ESYT1: variants seen among roughly 807,000 people sequenced by gnomAD.
The protein encoded by ESYT1 is extended synaptotagmin 1, also known as extended synaptotagmin-1.
ESYT1 carries 116 observed loss-of-function variants against 154.2 expected under a neutral mutation model. That is an observed-to-expected ratio of 0.75 (90% CI 0.65 to 0.88). The LOEUF is 0.88. Among genes scored for constraint, ESYT1 ranks in the 40% least tolerant of loss-of-function variants. ESYT1 has a pLI of 0.00. For missense variants in ESYT1, 1,264 were observed against 1,379.3 expected (o/e 0.92, Z 1.32); for synonymous variants, 500 against 539.9 (o/e 0.93, Z 1.02).
chr12:56,141,751 T>G (rs1436163874), intron 24 of ESYT1, among the ~76,000 whole-genome samples: 1 of 146,342 alleles, frequency 6.8e-6, no homozygotes, highest in East Asian at 2.1e-4. Flanking sequence ...AAAATAATAA[T>G]AATAATTTCT....
intron 30 of ESYT1, 69 bp downstream of exon 30, chr12:56,143,698 A>T: frequency 1.2e-6 from 2 of 1,610,258 alleles, no homozygotes; most frequent in South Asian, 1.1e-5. Flanking sequence ...ACAGGAAAGG[A>T]AAAAAAGATA....
rs1313843504 is a variant in ESYT1, at chr12:56,131,055, G to A, written c.583G>A (p.Gly195Arg). ...CTCTCCCTAGCCATTGCGCATCATT[G>A]GAGTCAAGGTTCACCCAGGTCAGAG... is the stretch of plus-strand genomic sequence containing the variant. ...ELGEKPLRII[G>R]VKVHPGQRKE... is the part of the protein sequence containing the mutation. The change falls in exon 4 of 31, where the codon GGA becomes AGA. Residue 195 changes from glycine (G) to arginine (R), a missense_variant. By Grantham distance (125) the Gly-to-Arg change is moderately radical. Coordinates refer to ENST00000394048, the MANE Select transcript of ESYT1 (RefSeq NM_015292.3). 1 of 1,614,120 alleles carries A rather than the reference G, an allele frequency of 6.2e-7. No individual in the cohort carries two copies. The highest frequency in any genetic ancestry group is 8.5e-7 in the Non-Finnish European group (1 of 1,180,022).
At position 56,137,480 on chromosome 12, in the gene ESYT1, C is replaced by T. The variant is rs190041269; in HGVS notation, c.1939-19C>T. The T allele has an allele frequency of 2.2e-5, 36 of 1,607,934 alleles. No individual in the cohort carries two copies. The African/African-American group carries it at 2.7e-4, about 12-fold the overall frequency. On this transcript the variant is annotated intron_variant, in intron 17 of 30. Coordinates refer to ENST00000394048, the MANE Select transcript of ESYT1 (RefSeq NM_015292.3). Reference sequence around the variant, plus strand: ...TCTCTCTCCCTTTGCCATCTGGCACCCCCCCGTCCCTTTTGCAGCATGTGC... The same window carrying T: ...TCTCTCTCCCTTTGCCATCTGGCACTCCCCCGTCCCTTTTGCAGCATGTGC...
At position 56,137,235 on chromosome 12, in the gene ESYT1, A is replaced by T. The variant is rs755522724; in HGVS notation, c.1800A>T (p.Ser600=). The part of the protein sequence containing the change: ...KLVMRILYLD[S]SEICFPTVPG... ...CTTCCTAGATCCTGTACTTGGATTC[A>T]TCAGAAATATGCTTCCCCACGGTGC... Residue 600 remains serine, a synonymous_variant, in exon 17 of 31, where the codon TCA becomes TCT. Coordinates refer to ENST00000394048, the MANE Select transcript of ESYT1 (RefSeq NM_015292.3). 43 of 1,614,170 alleles carry T rather than the reference A, an allele frequency of 2.7e-5. No homozygotes were observed. The East Asian group carries it at 5.6e-4, about 21-fold the overall frequency.
Position 56,142,808 on chromosome 12 carries a change from C to T in ESYT1, c.2889-27C>T, listed in dbSNP as rs1291985328. The stretch of plus-strand genomic sequence containing the variant: ...ACAGGTTCACTAGGCTCTAGCTTTC[C>T]CCAGACCTACTGATATTTCTCCACA... On this transcript the variant is annotated intron_variant, in intron 26 of 30. Coordinates refer to ENST00000394048, the MANE Select transcript of ESYT1 (RefSeq NM_015292.3). The surrounding 1 kb of genome is among the most constrained non-coding windows in gnomAD (Gnocchi z 4.1). 3 of 1,613,984 alleles carry T rather than the reference C, an allele frequency of 1.9e-6. No individual in the cohort carries two copies. Among genetic ancestry groups the T allele is most frequent in the Admixed American group, 1.7e-5 (1 of 60,004 alleles).
rs373325818 is a variant in ESYT1, at chr12:56,142,637, C to T, written c.2793C>T (p.Ser931=). The part of the protein sequence containing the change: ...EAHSHSYSHS[S]SSLSEEPELS... ...ATAGCCACAGCTACAGCCACAGCTC[C>T]TCATCGCTGAGTGAAGAACCAGAGC... is the stretch of plus-strand genomic sequence containing the variant. Residue 931 remains serine, a synonymous_variant, in exon 26 of 31, where the codon TCC becomes TCT. Transcript: ENST00000394048. The surrounding 1 kb of genome is among the most constrained non-coding windows in gnomAD (Gnocchi z 4.1). 1.9e-6 allele frequency: 3 copies of T among 1,614,148 alleles called. No individual in the cohort carries two copies. Among genetic ancestry groups the T allele is most frequent in the Non-Finnish European group, 2.5e-6 (3 of 1,180,038 alleles).
chr12:56,137,323 G>A lies in ESYT1; in HGVS notation c.1888G>A (p.Ala630Thr). Reference sequence around the variant, plus strand: ...TCCCCAGAGAGGCAGCAGTGTGGATGCCCCACCTCGACCCTGTCACACGAC... The same window carrying A: ...TCCCCAGAGAGGCAGCAGTGTGGATACCCCACCTCGACCCTGTCACACGAC... ...ENPQRGSSVDAPPRPCHTTPD... is the reference protein window; with the variant it reads ...ENPQRGSSVDTPPRPCHTTPD... Residue 630 changes from alanine to threonine, a missense_variant, in exon 17 of 31, where the codon GCC (alanine) becomes ACC (threonine). Ala to Thr is a moderately conservative substitution (Grantham distance 58, BLOSUM62 0). Coordinates refer to ENST00000394048, the MANE Select transcript of ESYT1 (RefSeq NM_015292.3). The A allele has an allele frequency of 6.2e-7, 1 of 1,614,212 alleles. No homozygotes were observed. Among genetic ancestry groups the A allele is most frequent in the Non-Finnish European group, 8.5e-7 (1 of 1,180,026 alleles).
Position 56,144,142 on chromosome 12 carries a change from C to A in ESYT1, c.*280C>A. 3 of 1,375,406 alleles carry A rather than the reference C, an allele frequency of 2.2e-6. No homozygotes were observed. The highest frequency in any genetic ancestry group is 2.8e-6 in the Non-Finnish European group (3 of 1,063,748). 85.2% of individuals were successfully genotyped at this position (1,375,406 alleles called of 1,614,324 possible). ...CATTGTTCTCCCTTCCTCCCAACTCCTCAGGGCCTTCTGTATCTGTGCCTG... is the reference window on the plus strand; with the variant it reads ...CATTGTTCTCCCTTCCTCCCAACTCATCAGGGCCTTCTGTATCTGTGCCTG... On this transcript the variant is annotated 3_prime_UTR_variant, in exon 31 of 31. Coordinates refer to ENST00000394048, the MANE Select transcript of ESYT1 (RefSeq NM_015292.3).
chr12:56,138,671 A>G, intron 22 of ESYT1, 97 bp from the exon 23 acceptor site: 6 of 1,354,244 alleles, frequency 4.4e-6, no homozygotes, highest in Non-Finnish European at 6.3e-6. Context: ...CTGCCAAGTA[A>G]TAATGGAGAC....
In ESYT1 at chr12:56,131,801, T is replaced by TCC; in HGVS notation, c.857_858insCC (p.Ser287LeufsTer8). 6.2e-7 allele frequency: 1 copy of TCC among 1,614,132 alleles called. No individual in the cohort carries two copies. The highest frequency in any genetic ancestry group is 8.5e-7 in the Non-Finnish European group (1 of 1,179,984). ...ACCAACCTGCTGGATATCCCAGGAC[T>TCC]TAGGTATCAAGGACTTACTGAGCAC... On this transcript the variant is annotated frameshift_variant, in exon 7 of 31. Transcript: ENST00000394048. LOFTEE classifies it high-confidence loss of function.
intron 18 of ESYT1, 60 bp from the exon 19 acceptor site, chr12:56,137,772 T>A: frequency 1.2e-6 from 2 of 1,603,016 alleles, no homozygotes; most frequent in Non-Finnish European, 1.7e-6. Flanking sequence ...GACTGGGGGG[T>A]CCAGTCATTT....
At chr12:56,140,193 G>A (rs1430414318) in intron 24 of ESYT1, among the ~76,000 whole-genome samples, 1 of 151,604 alleles carries the variant, frequency 6.6e-6, no homozygotes, top group African/African-American at 2.4e-5. Flanking sequence ...TGGTTCTTTC[G>A]GACCACGAAA....
chr12:56,137,290 A>G lies in ESYT1; in HGVS notation c.1855A>G (p.Ser619Gly). 1.2e-6 allele frequency: 2 copies of G among 1,614,196 alleles called. No individual in the cohort carries two copies. The highest frequency in any genetic ancestry group is 1.7e-6 in the Non-Finnish European group (2 of 1,180,034). The part of the protein sequence containing the change: ...PGCPGAWDVD[S>G]ENPQRGSSVD... ...TTGTCCTGGTGCTTGGGACGTGGAC[A>G]GTGAGAATCCCCAGAGAGGCAGCAG... The change falls in exon 17 of 31, where the codon AGT becomes GGT. Residue 619 changes from serine (S) to glycine (G), a missense_variant. Ser to Gly is a moderately conservative substitution (Grantham distance 56). Transcript: ENST00000394048.
intron 15 of ESYT1, 141 bp downstream of exon 15, chr12:56,134,569 C>G (rs544739185): frequency 1.4e-6 from 1 of 716,770 alleles, no homozygotes; most frequent in South Asian, 1.6e-5. Context: ...GAATATCTCT[C>G]CATTGTTCCC....
In ESYT1 at chr12:56,144,347, C is replaced by T. The variant is rs1870835884; in HGVS notation, c.*485C>T. 1 of 1,011,242 alleles carries T rather than the reference C, an allele frequency of 9.9e-7. No individual in the cohort carries two copies. Among genetic ancestry groups the T allele is most frequent in the African/African-American group, 1.7e-5 (1 of 57,874 alleles). The allele number at this position is 1,011,242 out of a possible 1,614,324, so 62.6% of individuals were successfully genotyped here. ...TGCATGTAGCAAATGTTCAGCAGCT[C>T]AGGCCCCCATGTCCAGTTCTGTCCC... On this transcript the variant is annotated 3_prime_UTR_variant, in exon 31 of 31. Coordinates refer to ENST00000394048, the MANE Select transcript of ESYT1 (RefSeq NM_015292.3).
At position 56,143,377 on chromosome 12, in the gene ESYT1, G is replaced by A; in HGVS notation, c.3225+44G>A. 3 of 1,594,320 alleles carry A rather than the reference G, an allele frequency of 1.9e-6. No homozygotes were observed. The South Asian group carries it at 3.3e-5, about 18-fold the overall frequency. Reference sequence around the variant, plus strand: ...AGGGCAGAGGTGAGGGCTGGAAGCTGCTGGCACCAAGGTTATAGTCCCTGT... The same window carrying A: ...AGGGCAGAGGTGAGGGCTGGAAGCTACTGGCACCAAGGTTATAGTCCCTGT... On this transcript the variant is annotated intron_variant, in intron 29 of 30. Coordinates refer to ENST00000394048, the MANE Select transcript of ESYT1 (RefSeq NM_015292.3).
In ESYT1 at chr12:56,144,028, G is replaced by GTTC. The variant is rs1870824410; in HGVS notation, c.*166_*167insTTC. The GTTC allele has an allele frequency of 6.7e-7, 1 of 1,485,450 alleles. No homozygotes were observed. Among genetic ancestry groups the GTTC allele is most frequent in the Non-Finnish European group, 8.9e-7 (1 of 1,123,444 alleles). The allele number at this position is 1,485,450 out of a possible 1,614,324, so 92.0% of individuals were successfully genotyped here. On this transcript the variant is annotated 3_prime_UTR_variant, in exon 31 of 31. Coordinates refer to ENST00000394048, the MANE Select transcript of ESYT1 (RefSeq NM_015292.3). The stretch of plus-strand genomic sequence containing the variant: ...CGGGCCTTTGCCTGACCAAAGAGAA[G>GTTC]AACCGTATGTTCCCTTTACTGCACG...
rs201738410 is a variant in ESYT1 at position 56,128,299 on chromosome 12, G to A, written c.-21G>A. 82 of 1,594,158 alleles carry A rather than the reference G, an allele frequency of 5.1e-5. No homozygotes were observed. In the African/African-American group the frequency reaches 8.5e-4, roughly 16 times the overall value. On this transcript the variant is annotated 5_prime_UTR_variant, in exon 1 of 31. Transcript: ENST00000394048. ...CTCCAGCCAGTCCCTGGGTCGGGCG[G>A]ATCCTCCCAGAGGTGGCACAATGGA...
chr12:56,137,982 G>C (rs201246212), intron 19 of ESYT1, 44 bp from the exon 20 acceptor site: 2 of 1,613,576 alleles, frequency 1.2e-6, no homozygotes, highest in African/African-American at 1.3e-5. Context: ...TGGCCTCCTT[G>C]GTTCTCACCA....
Sources: allele counts gnomAD v4.1 joint callset (sites outside exome capture counted in the v4.1 genomes callset), GRCh38; gene constraint gnomAD v4.1.1; non-coding constraint Gnocchi (gnomAD v3.1); transcripts MANE v1.5; gene names NCBI Gene and HGNC (gene_info 2026-07-23, HGNC 2026-07-21).